WDPCP: variants seen among roughly 807,000 people sequenced by gnomAD.
The protein encoded by WDPCP is WD repeat-containing and planar cell polarity effector protein fritz homolog.
WDPCP carries 71 observed loss-of-function variants against 93.1 expected under a neutral mutation model. The observed-to-expected ratio is 0.76, with a 90% CI of 0.63 to 0.93. The LOEUF (loss-of-function observed/expected upper bound fraction) is 0.93. WDPCP is among the 40% of genes least tolerant of loss of function. The probability of loss-of-function intolerance (pLI) is 0.00; values close to 1 mark genes in which losing one functional copy is unlikely to be tolerated. For missense variants in WDPCP, 844 were observed against 887.4 expected (o/e 0.95, Z 0.62); for synonymous variants, 315 against 315.0 (o/e 1.00, Z 0.00).
chr2:63,607,826 C>CAAA (rs60229846), intron 3 of WDPCP, among the ~76,000 whole-genome samples: 1 of 118,972 alleles, frequency 8.4e-6, no homozygotes, highest in Non-Finnish European at 1.9e-5. Flanking sequence ...GACTCCGTCT[C>CAAA]AAAAAAAAAA....
chr2:63,483,315 T>G (rs905185406), intron 6 of WDPCP, among the ~76,000 whole-genome samples: 1 of 152,016 alleles, frequency 6.6e-6, no homozygotes, highest in African/African-American at 2.4e-5. Flanking sequence ...TGTATTCAAG[T>G]TTTAAAGTCT....
intron 2 of WDPCP, among the ~76,000 whole-genome samples, chr2:63,492,640 A>G (rs776779934): frequency 6.6e-6 from 1 of 152,110 alleles, no homozygotes; most frequent in Non-Finnish European, 1.5e-5. Context: ...TTAAGCCAAT[A>G]AGATTAATTT....
At chr2:63,159,521 A>G (rs1672507867) in intron 15 of WDPCP, among the ~76,000 whole-genome samples, 1 of 152,206 alleles carries the variant, frequency 6.6e-6, no homozygotes, top group Admixed American at 6.5e-5. Context: ...GCCGCTTTAT[A>G]TATCAAGTAA....
At chr2:63,527,294 C>T (rs1389709495) in intron 1 of WDPCP, among the ~76,000 whole-genome samples, 1 of 150,664 alleles carries the variant, frequency 6.6e-6, no homozygotes, top group African/African-American at 2.4e-5. Flanking sequence ...ATATGTATAC[C>T]TGTGCCATGT....
rs1476520062 is a variant in WDPCP at position 63,416,031 on chromosome 2, A to T, written c.826-11374T>A. 2.6e-5 allele frequency among the ~76,000 whole-genome samples: 4 copies of T among 152,300 alleles called. No homozygotes were observed. In the East Asian group the frequency reaches 5.8e-4, roughly 22 times the overall value. On this transcript the variant is annotated intron_variant, in intron 9 of 17. Transcript: ENST00000272321. ...TAAAAATAAAGATAATGCTTTGTAA[A>T]TGTAAATGAAAAAAATTCCTAAAAT...
intron 1 of WDPCP, among the ~76,000 whole-genome samples, chr2:63,521,719 T>C (rs1702946736): frequency 6.6e-6 from 1 of 152,044 alleles, no homozygotes; most frequent in Non-Finnish European, 1.5e-5. Context: ...ACCAAAAGAA[T>C]GAATATACAT....
chr2:63,638,629 A>C (rs1709947525), intron 3 of WDPCP, among the ~76,000 whole-genome samples: 1 of 152,054 alleles, frequency 6.6e-6, no homozygotes, highest in Non-Finnish European at 1.5e-5. Flanking sequence ...GTCTCTATAA[A>C]ATTTAAAAAA....
intron 3 of WDPCP, chr2:63,595,317 G>A (rs1464037768): frequency 5.4e-6 from 4 of 744,672 alleles, no homozygotes; most frequent in Non-Finnish European, 7.3e-6. Context: ...ACTAATTAAT[G>A]GGAATTACAT....
chr2:63,257,026 T>A (rs1233870700), intron 14 of WDPCP, among the ~76,000 whole-genome samples: 1 of 152,128 alleles, frequency 6.6e-6, no homozygotes, highest in Non-Finnish European at 1.5e-5. Flanking sequence ...ATTCATTGAG[T>A]CACATGCTTA....
intron 2 of WDPCP, among the ~76,000 whole-genome samples, chr2:63,660,787 T>C (rs2106634926): frequency 6.6e-6 from 1 of 152,360 alleles, no homozygotes; most frequent in South Asian, 2.1e-4. Context: ...AATAACATTT[T>C]AGTAACACAG....
upstream of WDPCP, chr2:63,589,480 C>G (rs1709111620): frequency 1.6e-6 from 2 of 1,246,328 alleles, no homozygotes; most frequent in Non-Finnish European, 2.3e-6. Context: ...ACCTTGAAAG[C>G]AAAAAGCTGG....
At chr2:63,135,595 G>T (rs545121321) in intron 17 of WDPCP, among the ~76,000 whole-genome samples, 3 of 152,184 alleles carry the variant, frequency 2.0e-5, no homozygotes, top group Admixed American at 6.5e-5. Context: ...GCCTCCCAGC[G>T]TTAGGATTAT....
chr2:63,247,038 A>G (rs1442703415), intron 14 of WDPCP, among the ~76,000 whole-genome samples: 1 of 152,200 alleles, frequency 6.6e-6, no homozygotes, highest in Non-Finnish European at 1.5e-5. Flanking sequence ...CAGTTTATAA[A>G]ACCAAAAAGA....
intron 1 of WDPCP, among the ~76,000 whole-genome samples, chr2:63,550,726 CAT>C (rs1053676078): frequency 8.0e-5 from 12 of 150,020 alleles, no homozygotes; most frequent in African/African-American, 2.5e-4. Context: ...TATATATATA[CAT>C]ATATATGTGC....
intron 9 of WDPCP, among the ~76,000 whole-genome samples, chr2:63,429,354 A>G (rs1696551767): frequency 1.3e-5 from 2 of 152,174 alleles, no homozygotes; most frequent in Admixed American, 6.5e-5. Flanking sequence ...GCCTAATTAA[A>G]CTAAAGAGCT....
At chr2:63,123,035 G>A (rs1669656716) in intron 17 of WDPCP, among the ~76,000 whole-genome samples, 2 of 140,308 alleles carry the variant, frequency 1.4e-5, no homozygotes, top group Non-Finnish European at 3.1e-5. Flanking sequence ...AGACCTTGAT[G>A]TACACAAAAT....
At chr2:63,182,448 TTTAC>T (rs1196250566) in intron 14 of WDPCP, among the ~76,000 whole-genome samples, 1 of 152,120 alleles carries the variant, frequency 6.6e-6, no homozygotes, top group East Asian at 1.9e-4. Context: ...ATCAAATTTG[TTTAC>T]TTGAGTATGT....
At chr2:63,653,101 C>A (rs1422205588) in intron 2 of WDPCP, among the ~76,000 whole-genome samples, 3 of 152,166 alleles carry the variant, frequency 2.0e-5, no homozygotes, top group African/African-American at 7.2e-5. Context: ...GAAGAGGGAA[C>A]CCAAACAGAG....
At chr2:63,227,747 T>C (rs1217988873) in intron 14 of WDPCP, among the ~76,000 whole-genome samples, 1 of 152,128 alleles carries the variant, frequency 6.6e-6, no homozygotes, top group Non-Finnish European at 1.5e-5. Context: ...TTACAGAGCT[T>C]AGCATTATGG....
Sources: gnomAD v4.1 joint callset for allele counts (sites outside exome capture counted in the v4.1 genomes callset) on GRCh38, gnomAD v4.1.1 for gene constraint, MANE v1.5 for transcripts, NCBI Gene and HGNC (gene_info 2026-07-23, HGNC 2026-07-21) for gene names.